Variants in MGRN1 observed in about 807,000 individuals in gnomAD.
MGRN1 encodes the protein mahogunin ring finger 1.
A neutral mutation model predicts 69.2 loss-of-function variants in MGRN1; 29 were observed. The observed-to-expected ratio is 0.42, with a 90% CI of 0.31 to 0.57. The LOEUF (loss-of-function observed/expected upper bound fraction) is 0.57. MGRN1 is among the 20% of genes least tolerant of loss of function. MGRN1 has a pLI of 0.15. For synonymous variants in MGRN1, 470 were observed against 344.2 expected (o/e 1.37, Z -4.04); for missense variants, 998 against 796.2 (o/e 1.25, Z -3.05).
At chr16:4,657,149 G>C in intron 4 of MGRN1, 97 bp from the exon 5 acceptor site, 1 of 1,160,558 alleles carries the variant, frequency 8.6e-7, no homozygotes, top group Non-Finnish European at 1.3e-6. Context: ...CCAAAAGACA[G>C]GTGTCTGCGG....
chr16:4,641,349 T>TG lies in MGRN1; in HGVS notation c.89-9016_89-9015insG, dbSNP rs1043973048. Among the ~76,000 whole-genome samples the TG allele has an allele frequency of 1.5e-3, 223 of 152,126 alleles. 1 individual carries two copies. Among genetic ancestry groups the TG allele is most frequent in the African/African-American group, 5.1e-3 (213 of 41,442 alleles). Reference sequence around the variant, plus strand: ...CCATGTGTGAGCAATAGGATTTTTTTTTTGTTTTTTGGAGACAGAGTCACG... The same window carrying TG: ...CCATGTGTGAGCAATAGGATTTTTTTGTTTGTTTTTTGGAGACAGAGTCACG... On this transcript the variant is annotated intron_variant, in intron 1 of 16. Transcript: ENST00000262370.
At chr16:4,668,455 T>A in intron 8 of MGRN1, 143 bp downstream of exon 8, 1 of 828,290 alleles carries the variant, frequency 1.2e-6, no homozygotes. Context: ...ACACATTCAC[T>A]TGCACATATA....
rs547115635 is a variant in MGRN1 at position 4,633,627 on chromosome 16, G to A, written c.88+8579G>A. ...AATCACTTGAACCCAGGAGGCAGAG[G>A]TTGCAGTGAGCCGAGGTCGTGCCAT... On this transcript the variant is annotated intron_variant, in intron 1 of 16. Transcript: ENST00000262370. The A allele has an allele frequency of 2.7e-5, 4 of 149,922 alleles. No homozygotes were observed. In the South Asian group the frequency reaches 8.5e-4, roughly 32 times the overall value. The allele number at this position is 149,922 out of a possible 1,614,324, so 9.3% of individuals were successfully genotyped here.
At chr16:4,642,009 G>C (rs1233534087) in intron 1 of MGRN1, among the ~76,000 whole-genome samples, 1 of 152,074 alleles carries the variant, frequency 6.6e-6, no homozygotes, top group Non-Finnish European at 1.5e-5. Flanking sequence ...TCTCCTGCAG[G>C]TGTGAGTTGT....
At chr16:4,635,902 C>T (rs534387018) in intron 1 of MGRN1, among the ~76,000 whole-genome samples, 2 of 151,214 alleles carry the variant, frequency 1.3e-5, no homozygotes, top group Admixed American at 6.6e-5. Context: ...CTGCCTCAGC[C>T]TCCAGAAGTG....
At chr16:4,685,312 G>T (rs1041848489) in intron 16 of MGRN1, among the ~76,000 whole-genome samples, 1 of 152,214 alleles carries the variant, frequency 6.6e-6, no homozygotes, top group African/African-American at 2.4e-5. Flanking sequence ...CAGAGGCTGC[G>T]CCTCCCCTCT....
chr16:4,631,923 A>T, intron 1 of MGRN1, among the ~76,000 whole-genome samples: 1 of 149,336 alleles, frequency 6.7e-6, no homozygotes. Flanking sequence ...TTTTTCAGAT[A>T]ACTTTACCTA....
chr16:4,686,103 C>CTGTGGTTCTCCT (rs2079309884), intron 16 of MGRN1, among the ~76,000 whole-genome samples: 1 of 152,192 alleles, frequency 6.6e-6, no homozygotes, highest in South Asian at 2.1e-4. Flanking sequence ...TGCCTCCCAG[C>CTGTGGTTCTCCT]TGTGGTTCTC....
intron 1 of MGRN1, among the ~76,000 whole-genome samples, chr16:4,628,067 G>A (rs1214515762): frequency 3.0e-5 from 4 of 135,564 alleles, no homozygotes; most frequent in Non-Finnish European, 1.6e-5. Context: ...GTGTCAGAGT[G>A]AGACTCCGTC....
chr16:4,665,218 C>T lies in MGRN1; in HGVS notation c.678+67C>T, dbSNP rs534550426. 2.3e-5 allele frequency: 36 copies of T among 1,565,514 alleles called. No individual in the cohort carries two copies. The Admixed American group carries it at 2.9e-4, about 13-fold the overall frequency. On this transcript the variant is annotated intron_variant, in intron 7 of 16. Transcript: ENST00000262370. ...CTGGGCAGGGGGTGGCCTTTTGAGA[C>T]GAGAAGCCTGAGCAGGGGCTGGGGC...
Position 4,683,944 on chromosome 16 carries a change from G to T in MGRN1, c.1618+12G>T. 6.4e-7 allele frequency: 1 copy of T among 1,559,454 alleles called. No homozygotes were observed. The highest frequency in any genetic ancestry group is 1.2e-5 in the South Asian group (1 of 85,188). Reference sequence around the variant, plus strand: ...CATCTACCTGCCAGGTAAGGGGCTGGGGGTCTGGGGGTGAGGGGCTGGGTG... The same window carrying T: ...CATCTACCTGCCAGGTAAGGGGCTGTGGGTCTGGGGGTGAGGGGCTGGGTG... On this transcript the variant is annotated intron_variant, in intron 16 of 16. Coordinates refer to ENST00000262370, the MANE Select transcript of MGRN1 (RefSeq NM_015246.4).
intron 3 of MGRN1, among the ~76,000 whole-genome samples, 177 bp from the exon 4 acceptor site, chr16:4,652,501 G>C (rs1258323477): frequency 1.3e-5 from 2 of 152,178 alleles, no homozygotes; most frequent in Non-Finnish European, 2.9e-5. Flanking sequence ...AGAAGGAGAG[G>C]CAAGCCCTGG....
chr16:4,685,445 G>A (rs556019661), intron 16 of MGRN1, among the ~76,000 whole-genome samples: 6 of 152,318 alleles, frequency 3.9e-5, no homozygotes, highest in South Asian at 4.1e-4. Context: ...GCCCACAGAC[G>A]GGGGCAGGCA....
chr16:4,639,155 G>A (rs980355023), intron 1 of MGRN1, among the ~76,000 whole-genome samples: 11 of 152,194 alleles, frequency 7.2e-5, no homozygotes, highest in Non-Finnish European at 1.0e-4. Context: ...GGCATGGAGC[G>A]GGGAGGTCAT....
At chr16:4,687,703 G>A (rs971838366) in intron 16 of MGRN1, 10 of 985,454 alleles carry the variant, frequency 1.0e-5, no homozygotes, top group Non-Finnish European at 1.2e-5. Flanking sequence ...TGGCACACAA[G>A]CTGCGTGCAG....
chr16:4,659,515 A>G (rs1458108125), intron 5 of MGRN1, among the ~76,000 whole-genome samples: 1 of 152,020 alleles, frequency 6.6e-6, no homozygotes, highest in Non-Finnish European at 1.5e-5. Flanking sequence ...GGGCCCAGAG[A>G]GGGTTGGAAT....
chr16:4,627,871 G>A lies in MGRN1; in HGVS notation c.88+2823G>A, dbSNP rs1897766060. On this transcript the variant is annotated intron_variant, in intron 1 of 16. Coordinates refer to ENST00000262370, the MANE Select transcript of MGRN1 (RefSeq NM_015246.4). The stretch of plus-strand genomic sequence containing the variant: ...TGAGGCAGGTGGATCACAAGGTCAG[G>A]AGATCAAGACCATCCTGGCTAACAC... 4.6e-5 allele frequency among the ~76,000 whole-genome samples: 7 copies of A among 151,536 alleles called. No homozygotes were observed. The South Asian group carries it at 1.5e-3, about 31-fold the overall frequency.
In MGRN1 at chr16:4,668,027, C is replaced by CG. The variant is rs948327300; in HGVS notation, c.679-235dup. On this transcript the variant is annotated intron_variant, in intron 7 of 16. Coordinates refer to ENST00000262370, the MANE Select transcript of MGRN1 (RefSeq NM_015246.4). ...GTTCTGTGGGTCAGCAGAGGGTCCC[C>CG]GGGCTGTGTGTTCTGGAGGCCTCAG... is the stretch of plus-strand genomic sequence containing the variant. Among the ~76,000 whole-genome samples the CG allele has an allele frequency of 4.0e-5, 6 of 151,896 alleles. No homozygotes were observed. The East Asian group carries it at 5.8e-4, about 15-fold the overall frequency.
At position 4,688,105 on chromosome 16, in the gene MGRN1, C is replaced by T. The variant is rs553619264; in HGVS notation, c.1619-691C>T. ...CCCGAAGAAAATAGACGCCCTTCAC[C>T]GGAGAGTGGGGCCTGGGCCGTGTCT... is the stretch of plus-strand genomic sequence containing the variant. On this transcript the variant is annotated intron_variant, in intron 16 of 16. Coordinates refer to ENST00000262370, the MANE Select transcript of MGRN1 (RefSeq NM_015246.4). 244 of 985,596 alleles carry T rather than the reference C, an allele frequency of 2.5e-4. 1 individual carries two copies. The African/African-American group carries it at 2.9e-3, about 12-fold the overall frequency. 61.1% of individuals were successfully genotyped at this position (985,596 alleles called of 1,614,324 possible).
Sources: allele counts gnomAD v4.1 joint callset (sites outside exome capture counted in the v4.1 genomes callset), GRCh38; gene constraint gnomAD v4.1.1; transcripts MANE v1.5; gene names NCBI Gene and HGNC (gene_info 2026-07-23, HGNC 2026-07-21).